The following FUT8 variants were observed in gnomAD, a reference collection of about 807,000 sequenced individuals.
FUT8 encodes the protein alpha-(1,6)-fucosyltransferase.
A neutral mutation model predicts 71.3 loss-of-function variants in FUT8; 29 were observed. The ratio of observed to expected loss-of-function variants is 0.41; its 90% confidence interval spans 0.30 to 0.55. The LOEUF is 0.55. Among genes scored for constraint, FUT8 ranks in the 20% least tolerant of loss-of-function variants. The pLI, the probability that FUT8 is intolerant of heterozygous loss-of-function variation, is 0.34. For synonymous variants in FUT8, 254 were observed against 239.3 expected (o/e 1.06, Z -0.57); for missense variants, 544 against 702.1 (o/e 0.77, Z 2.55).
At chr14:65,450,276 C>T (rs1333878505) in intron 1 of FUT8, among the ~76,000 whole-genome samples, 1 of 152,070 alleles carries the variant, frequency 6.6e-6, no homozygotes, top group Non-Finnish European at 1.5e-5. Context: ...ACCTGTGATT[C>T]CTAGCCTCTT....
At chr14:65,677,151 T>TGTGCGTGC in intron 7 of FUT8, among the ~76,000 whole-genome samples, 1 of 110,702 alleles carries the variant, frequency 9.0e-6, no homozygotes, top group Non-Finnish European at 1.8e-5. Flanking sequence ...TGTGTGTGTG[T>TGTGCGTGC]GCGCGCGCGC....
intron 2 of FUT8, among the ~76,000 whole-genome samples, chr14:65,545,651 TA>T (rs1408045631): frequency 2.0e-5 from 3 of 151,800 alleles, no homozygotes; most frequent in Non-Finnish European, 3.0e-5. Flanking sequence ...TTTCAGTTGT[TA>T]AAAAAGTAAA....
intron 9 of FUT8, among the ~76,000 whole-genome samples, chr14:65,727,362 T>G (rs182113821): frequency 6.6e-6 from 1 of 152,290 alleles, no homozygotes; most frequent in African/African-American, 2.4e-5. Context: ...TTTTTATACA[T>G]CCTCTGAAAT....
At chr14:65,391,364 G>GT in the FUT8 span, among the ~76,000 whole-genome samples, 3 of 151,656 alleles carry the variant, frequency 2.0e-5, no homozygotes, top group East Asian at 1.9e-4. Context: ...TAACTTTTTT[G>GT]TTTTTTTTGA....
rs147483313 is a variant in FUT8 at position 65,619,313 on chromosome 14, C to A, written c.482+2940C>A. ...ATCGCATTTCTCTGTAGGTTAGTGACCCCATCAGTGAGCTGTGGGGGTAAG... is the reference window on the plus strand; with the variant it reads ...ATCGCATTTCTCTGTAGGTTAGTGAACCCATCAGTGAGCTGTGGGGGTAAG... On this transcript the variant is annotated intron_variant, in intron 5 of 10. Transcript: ENST00000673929. Among the ~76,000 whole-genome samples the A allele has an allele frequency of 5.9e-3, 892 of 152,224 alleles. 71 individuals are homozygous for A. The South Asian group carries it at 0.16, about 27-fold the overall frequency.
chr14:65,400,352 G>C, the FUT8 span, among the ~76,000 whole-genome samples: 25 of 152,006 alleles, frequency 1.6e-4, no homozygotes, highest in Non-Finnish European at 3.2e-4. Context: ...TATTTCTTAA[G>C]TTGTTATCCA....
At chr14:65,436,673 TG>T (rs1169401696) in intron 1 of FUT8, among the ~76,000 whole-genome samples, 1 of 151,204 alleles carries the variant, frequency 6.6e-6, no homozygotes, top group Non-Finnish European at 1.5e-5. Context: ...GAATAGTAAA[TG>T]GCCCTGACAA....
chr14:65,735,536 AT>A (rs1249321428), intron 10 of FUT8, among the ~76,000 whole-genome samples: 4 of 152,138 alleles, frequency 2.6e-5, no homozygotes, highest in African/African-American at 4.8e-5. Flanking sequence ...GCCCAAAATA[AT>A]TTCACTCATT....
intron 6 of FUT8, among the ~76,000 whole-genome samples, chr14:65,650,298 CAAAAAAAAAAA>C (rs869168766): frequency 4.0e-4 from 16 of 39,674 alleles, no homozygotes; most frequent in South Asian, 1.3e-3. Flanking sequence ...GACTCTGTCT[CAAAAAAAAAAA>C]AAAAAAAAAA....
chr14:65,561,796 A>G, intron 3 of FUT8, 30 bp downstream of exon 3: 1 of 1,560,668 alleles, frequency 6.4e-7, no homozygotes, highest in Admixed American at 1.7e-5. Flanking sequence ...ATGAAGAATG[A>G]TGAAATATTG....
chr14:65,555,593 G>A (rs1376850913), intron 2 of FUT8, among the ~76,000 whole-genome samples: 1 of 152,126 alleles, frequency 6.6e-6, no homozygotes, highest in African/African-American at 2.4e-5. Flanking sequence ...TGAGGAAGAT[G>A]GCTGTGTTTT....
At chr14:65,400,775 C>T in the FUT8 span, among the ~76,000 whole-genome samples, 13 of 151,962 alleles carry the variant, frequency 8.6e-5, no homozygotes, top group African/African-American at 2.7e-4. Flanking sequence ...GTTCCAGCCA[C>T]TTGGAAGGCT....
intron 3 of FUT8, among the ~76,000 whole-genome samples, chr14:65,571,591 A>T (rs946091997): frequency 2.6e-5 from 4 of 152,144 alleles, no homozygotes; most frequent in Non-Finnish European, 5.9e-5. Flanking sequence ...GTAGAGAAGC[A>T]TAGCATCATA....
At chr14:65,611,445 T>C (rs1594816342) in intron 3 of FUT8, among the ~76,000 whole-genome samples, 2 of 152,056 alleles carry the variant, frequency 1.3e-5, no homozygotes, top group African/African-American at 4.8e-5. Context: ...TTATCTATTT[T>C]TCTTTTTCTC....
At chr14:65,687,972 C>T (rs1192720403) in intron 7 of FUT8, among the ~76,000 whole-genome samples, 3 of 152,188 alleles carry the variant, frequency 2.0e-5, no homozygotes, top group Non-Finnish European at 2.9e-5. Flanking sequence ...TGAAGCAGTT[C>T]TTTTGCCTGG....
chr14:65,695,301 A>G (rs890323387), intron 7 of FUT8, among the ~76,000 whole-genome samples: 1 of 152,174 alleles, frequency 6.6e-6, no homozygotes, highest in African/African-American at 2.4e-5. Context: ...TCTCATTGCA[A>G]TTCTGTAAGT....
At chr14:65,713,548 A>C (rs1037251943) in intron 7 of FUT8, among the ~76,000 whole-genome samples, 3 of 152,192 alleles carry the variant, frequency 2.0e-5, no homozygotes, top group Non-Finnish European at 4.4e-5. Context: ...TTTTCTGCAC[A>C]TACTTGCCAG....
At chr14:65,423,600 C>T (rs944245808) in intron 1 of FUT8, among the ~76,000 whole-genome samples, 1 of 152,186 alleles carries the variant, frequency 6.6e-6, no homozygotes, top group Admixed American at 6.5e-5. Context: ...GGAAAGTCGT[C>T]TGCTGCCTCT....
rs1038710487 is a variant in FUT8, at chr14:65,413,425, G to A, written c.-326+211G>A. On this transcript the variant is annotated intron_variant, in intron 1 of 10. Transcript: ENST00000673929. The surrounding 1 kb of genome is among the most constrained non-coding windows in gnomAD (Gnocchi z 4.1). ...TGCCTTGGCGCAGCCCCGGGGGCGC[G>A]GGCAGAGGGTGAGGGGCGCCCGCCT... 6.6e-6 allele frequency among the ~76,000 whole-genome samples: 1 copy of A among 152,174 alleles called. No homozygotes were observed. The highest frequency in any genetic ancestry group is 2.4e-5 in the African/African-American group (1 of 41,438).
Sources: allele counts gnomAD v4.1 joint callset (sites outside exome capture counted in the v4.1 genomes callset), GRCh38; gene constraint gnomAD v4.1.1; non-coding constraint Gnocchi (gnomAD v3.1); transcripts MANE v1.5; gene names NCBI Gene and HGNC (gene_info 2026-07-23, HGNC 2026-07-21).